DNM1: variants seen among roughly 807,000 people sequenced by gnomAD.
DNM1 encodes dynamin 1, also known as dynamin-1.
In DNM1, 29 loss-of-function variants were observed where a neutral mutation model predicts 104.6. The observed-to-expected ratio is 0.28, with a 90% CI of 0.21 to 0.38. The LOEUF (loss-of-function observed/expected upper bound fraction) is 0.38, where lower values mean the gene tolerates loss of function less well. Ranked by LOEUF, DNM1 falls within the 10% of genes least tolerant of loss-of-function variation. The pLI is 1.00. For missense variants in DNM1, 640 were observed against 1,189.4 expected, an observed-to-expected ratio of 0.54 and a Z score of 6.79; for synonymous variants, 445 against 475.8, an observed-to-expected ratio of 0.94 and a Z score of 0.84.
Position 128,248,881 on chromosome 9 carries a change from C to T in DNM1, c.2076+128C>T. 2 of 983,650 alleles carry T rather than the reference C, an allele frequency of 2.0e-6. No individual in the cohort carries two copies. Among genetic ancestry groups the T allele is most frequent in the Non-Finnish European group, 3.0e-6 (2 of 657,028 alleles). The allele number at this position is 983,650 out of a possible 1,614,324, so 60.9% of individuals were successfully genotyped here. On this transcript the variant is annotated intron_variant, in intron 19 of 21. Transcript: ENST00000372923. The surrounding 1 kb of genome is among the most constrained non-coding windows in gnomAD (Gnocchi z 5.6). ...TCCAGGGAGGGAGGCACGGTCCAGA[C>T]CAGAGCTGTCCAATAGAAATATCAT... is the stretch of plus-strand genomic sequence containing the variant.
chr9:128,253,635 A>AG lies in DNM1; in HGVS notation c.2535-1015dup, dbSNP rs1358366532. On this transcript the variant is annotated intron_variant, in intron 21 of 21. Transcript: ENST00000372923. This position sits in a 1 kb window ranked among gnomAD's most constrained non-coding sequence, Gnocchi z 5.9. Reference sequence around the variant, plus strand: ...CTGAGAGCCAAATCCACCGTAGAGCAGGGGTGAGAGTCAGGGTCCCACCTC... The same window carrying AG: ...CTGAGAGCCAAATCCACCGTAGAGCAGGGGGTGAGAGTCAGGGTCCCACCTC... 4.8e-6 allele frequency: 1 copy of AG among 206,402 alleles called. No homozygotes were observed. Among genetic ancestry groups the AG allele is most frequent in the Non-Finnish European group, 9.6e-6 (1 of 103,952 alleles). The allele number at this position is 206,402 out of a possible 1,614,324, so 12.8% of individuals were successfully genotyped here.
chr9:128,244,625 T>TCCTCCCAGCCCGCCCTGTGCCC, intron 15 of DNM1: 2 of 340,544 alleles, frequency 5.9e-6, no homozygotes, highest in East Asian at 1.6e-4. Flanking sequence ...CATCTGTGCC[T>TCCTCCCAGCCCGCCCTGTGCCC]CCTCCCAGCC....
At position 128,254,786 on chromosome 9, in the gene DNM1, G is replaced by A. The variant is rs1268421240; in HGVS notation, c.*72G>A. ...GACGGCTGTTCTGTGACTTGACAGT[G>A]GCTCCCCCAGCCCCAAAGCCAGCCC... On this transcript the variant is annotated 3_prime_UTR_variant, in exon 22 of 22. Coordinates refer to ENST00000372923, the MANE Select transcript of DNM1 (RefSeq NM_004408.4). This position sits in a 1 kb window ranked among gnomAD's most constrained non-coding sequence, Gnocchi z 6.1. 8 of 1,313,086 alleles carry A rather than the reference G, an allele frequency of 6.1e-6. No homozygotes were observed. The African/African-American group carries it at 1.2e-4, about 19-fold the overall frequency. The allele number at this position is 1,313,086 out of a possible 1,614,324, so 81.3% of individuals were successfully genotyped here. A position where few individuals can be genotyped will look rare whatever the true frequency, so the allele number is the denominator to read the frequency against.
chr9:128,229,742 G>A (rs964420030), intron 10 of DNM1, among the ~76,000 whole-genome samples: 4 of 151,732 alleles, frequency 2.6e-5, no homozygotes, highest in Non-Finnish European at 4.4e-5. Context: ...AGTGAAACCC[G>A]TCTCTACTAA....
In DNM1 at chr9:128,254,168, G is replaced by A. The variant is rs1360557540; in HGVS notation, c.2535-486G>A. 7.7e-7 allele frequency: 1 copy of A among 1,306,332 alleles called. No individual in the cohort carries two copies. The highest frequency in any genetic ancestry group is 4.0e-5 in the Admixed American group (1 of 24,910). 80.9% of individuals were successfully genotyped at this position (1,306,332 alleles called of 1,614,324 possible). A position where few individuals can be genotyped will look rare whatever the true frequency, so the allele number is the denominator to read the frequency against. ...CCTGGGTTTTCTGAACACCCAGAGG[G>A]GCCTCCGGCGCTCCCTCCAGCCATC... On this transcript the variant is annotated intron_variant, in intron 21 of 21. Coordinates refer to ENST00000372923, the MANE Select transcript of DNM1 (RefSeq NM_004408.4). The surrounding 1 kb of genome is among the most constrained non-coding windows in gnomAD (Gnocchi z 6.1).
intron 20 of DNM1, among the ~76,000 whole-genome samples, 153 bp from the exon 21 acceptor site, chr9:128,250,572 G>C (rs1356856156): frequency 2.0e-5 from 3 of 152,218 alleles, no homozygotes; most frequent in Non-Finnish European, 4.4e-5. Flanking sequence ...CGCCGCTGGG[G>C]GCGGGGCTTA....
In DNM1 at chr9:128,220,539, G is replaced by A. The variant is rs571753408; in HGVS notation, c.849+198G>A. On this transcript the variant is annotated intron_variant, in intron 6 of 21. Coordinates refer to ENST00000372923, the MANE Select transcript of DNM1 (RefSeq NM_004408.4). This position sits in a 1 kb window ranked among gnomAD's most constrained non-coding sequence, Gnocchi z 5.2. ...AGCTTCACTGACCTTTCCCTGTCTG[G>A]GACCTGCCAGGGAAGCCCTGGAAGT... Among the ~76,000 whole-genome samples the A allele has an allele frequency of 7.2e-5, 11 of 152,258 alleles. No individual in the cohort carries two copies. In the East Asian group the frequency reaches 1.7e-3, roughly 24 times the overall value.
At position 128,217,707 on chromosome 9, in the gene DNM1, G is replaced by A. The variant is rs192645453; in HGVS notation, c.162-524G>A. ...GCTGGGATTACAGGCGTGAGCCACCGCGCCCGGCCCATGAGTCCTTTTCCT... is the reference window on the plus strand; with the variant it reads ...GCTGGGATTACAGGCGTGAGCCACCACGCCCGGCCCATGAGTCCTTTTCCT... On this transcript the variant is annotated intron_variant, in intron 1 of 21. Coordinates refer to ENST00000372923, the MANE Select transcript of DNM1 (RefSeq NM_004408.4). Among the ~76,000 whole-genome samples the A allele has an allele frequency of 2.3e-4, 35 of 152,274 alleles. No homozygotes were observed. In the East Asian group the frequency reaches 5.2e-3, roughly 23 times the overall value.
Position 128,253,732 on chromosome 9 carries a change from G to A in DNM1, c.2535-922G>A, listed in dbSNP as rs147601583. ...AGTCCCATACACACGGTCATCCCAC[G>A]ACATACCTCACAGGCCAGGCAGGGA... On this transcript the variant is annotated intron_variant, in intron 21 of 21. Coordinates refer to ENST00000372923, the MANE Select transcript of DNM1 (RefSeq NM_004408.4). This position sits in a 1 kb window ranked among gnomAD's most constrained non-coding sequence, Gnocchi z 5.9. 1.2e-3 allele frequency: 410 copies of A among 339,450 alleles called. 1 individual carries two copies. Among genetic ancestry groups the A allele is most frequent in the African/African-American group, 7.8e-3 (368 of 47,028 alleles). 21.0% of individuals were successfully genotyped at this position (339,450 alleles called of 1,614,324 possible). A position where few individuals can be genotyped will look rare whatever the true frequency, so the allele number is the denominator to read the frequency against.
intron 13 of DNM1, 42 bp downstream of exon 13, chr9:128,239,821 C>T (rs1836253347): frequency 1.3e-6 from 2 of 1,594,050 alleles, no homozygotes; most frequent in African/African-American, 1.3e-5. Context: ...ATGGAGGGTG[C>T]CGGACGGACA....
At chr9:128,210,933 G>A (rs1045793574) in intron 1 of DNM1, among the ~76,000 whole-genome samples, 1 of 151,720 alleles carries the variant, frequency 6.6e-6, no homozygotes, top group Non-Finnish European at 1.5e-5. Context: ...ATCATTTGGA[G>A]AAGTCAGCCC....
At chr9:128,213,867 T>G (rs1201703699) in intron 1 of DNM1, among the ~76,000 whole-genome samples, 1 of 152,132 alleles carries the variant, frequency 6.6e-6, no homozygotes, top group Non-Finnish European at 1.5e-5. Context: ...AGGCCAGAAC[T>G]GCCCTGCAGT....
In DNM1 at chr9:128,243,056, G is replaced by A. The variant is rs1470166947; in HGVS notation, c.1671+711G>A. ...GCTGCCAGACACCCGGTTAACCCCT[G>A]CACCCCAGTCCCCTAGACCCCTGCA... On this transcript the variant is annotated intron_variant, in intron 15 of 21. Transcript: ENST00000372923. This position sits in a 1 kb window ranked among gnomAD's most constrained non-coding sequence, Gnocchi z 4.0. Among the ~76,000 whole-genome samples the A allele has an allele frequency of 6.6e-6, 1 of 152,164 alleles. No individual in the cohort carries two copies. Among genetic ancestry groups the A allele is most frequent in the South Asian group, 2.1e-4 (1 of 4,830 alleles).
At chr9:128,206,085 C>T (rs544560255) in intron 1 of DNM1, among the ~76,000 whole-genome samples, 8 of 152,278 alleles carry the variant, frequency 5.3e-5, no homozygotes, top group African/African-American at 1.7e-4. Flanking sequence ...ACTGTCTCAG[C>T]CTGCCAGCTC....
rs747195864 is a variant in DNM1 at position 128,220,726 on chromosome 9, A to AGCGCGCGC, written c.849+386_849+387insCGCGCGCG. ...TCTGGAATGGGGCATCCAGAACTGA[A>AGCGCGCGC]GTGCGCGCGCGCGCGCGTGTGTGTG... On this transcript the variant is annotated intron_variant, in intron 6 of 21. Transcript: ENST00000372923. The surrounding 1 kb of genome is among the most constrained non-coding windows in gnomAD (Gnocchi z 5.2). 0.079 allele frequency among the ~76,000 whole-genome samples: 10,448 copies of AGCGCGCGC among 132,644 alleles called. 648 individuals are homozygous for AGCGCGCGC. The highest frequency in any genetic ancestry group is 0.12 in the Non-Finnish European group (7,006 of 60,650). The allele number at this position is 132,644 out of a possible 152,430, so 87.0% of individuals were successfully genotyped here.
At chr9:128,244,864 G>A (rs758327834) in intron 15 of DNM1, 1 of 509,016 alleles carries the variant, frequency 2.0e-6, no homozygotes, top group Non-Finnish European at 4.1e-6. Flanking sequence ...CCATCCGGTG[G>A]GCGCTTCAGC....
chr9:128,225,992 A>G, intron 10 of DNM1: 1 of 1,600,968 alleles, frequency 6.2e-7, no homozygotes, highest in Non-Finnish European at 8.5e-7. Flanking sequence ...CTCCCCACCC[A>G]CGGCTGCTCC....
intron 21 of DNM1, chr9:128,252,982 C>G: frequency 1.1e-6 from 1 of 928,866 alleles, no homozygotes; most frequent in South Asian, 1.3e-5. Flanking sequence ...GCATGTGGGC[C>G]ATGGGGCCTC....
At chr9:128,232,208 G>A in intron 10 of DNM1, 1 of 375,574 alleles carries the variant, frequency 2.7e-6, no homozygotes. Flanking sequence ...ACTCTACCCT[G>A]GGAGGGAGCA....
Sources: gnomAD v4.1 joint callset for allele counts (sites outside exome capture counted in the v4.1 genomes callset) on GRCh38, gnomAD v4.1.1 for gene constraint, Gnocchi (gnomAD v3.1) non-coding constraint, MANE v1.5 for transcripts, NCBI Gene and HGNC (gene_info 2026-07-23, HGNC 2026-07-21) for gene names.